ELP1: variants seen among roughly 807,000 people sequenced by gnomAD.
The protein encoded by ELP1 is elongator complex protein 1.
A neutral mutation model predicts 183.2 loss-of-function variants in ELP1; 131 were observed. The observed-to-expected ratio is 0.72, with a 90% CI of 0.62 to 0.83. The LOEUF (loss-of-function observed/expected upper bound fraction) is 0.83. Among genes scored for constraint, ELP1 ranks in the 40% least tolerant of loss-of-function variants. ELP1 has a pLI of 0.00. For synonymous variants in ELP1, 555 were observed against 569.0 expected (o/e 0.98, Z 0.35); for missense variants, 1,550 against 1,594.9 (o/e 0.97, Z 0.48).
intron 36 of ELP1, among the ~76,000 whole-genome samples, chr9:108,869,975 CT>C (rs556132203): frequency 6.7e-5 from 10 of 149,642 alleles, no homozygotes; most frequent in Non-Finnish European, 7.4e-5. Flanking sequence ...CTGCATATAC[CT>C]TTTTTTTTTC....
At chr9:108,889,742 C>A (rs10118853) in intron 28 of ELP1, 71,741 of 356,194 alleles carry the variant, frequency 0.2, 7,881 homozygotes, top group African/African-American at 0.32. Flanking sequence ...ATGTTTGAGT[C>A]ATGCAGTGTC....
intron 10 of ELP1, among the ~76,000 whole-genome samples, chr9:108,914,578 G>A (rs918562089): frequency 8.5e-5 from 13 of 152,114 alleles, no homozygotes; most frequent in African/African-American, 2.4e-4. Context: ...GAGAATAAAC[G>A]AGTATTATAC....
chr9:108,881,139 T>A (rs1827914153), intron 31 of ELP1, among the ~76,000 whole-genome samples: 1 of 152,232 alleles, frequency 6.6e-6, no homozygotes, highest in South Asian at 2.1e-4. Flanking sequence ...AAAAATACTT[T>A]GAAACGTTGA....
At chr9:108,916,484 TAAAAA>T (rs36030896) in intron 9 of ELP1, among the ~76,000 whole-genome samples, 187 bp from the exon 10 acceptor site, 1 of 151,822 alleles carries the variant, frequency 6.6e-6, no homozygotes, top group Non-Finnish European at 1.5e-5. Flanking sequence ...GTAGAGGACT[TAAAAA>T]AAAGAAATAC....
At position 108,874,434 on chromosome 9, in the gene ELP1, T is replaced by A. The variant is rs55956233; in HGVS notation, c.3931+461A>T. Among the ~76,000 whole-genome samples, 996 of 152,352 alleles carry A rather than the reference T, an allele frequency of 6.5e-3. 9 individuals are homozygous for A. The highest frequency in any genetic ancestry group is 0.011 in the Non-Finnish European group (769 of 68,026). On this transcript the variant is annotated intron_variant, in intron 36 of 36. Coordinates refer to ENST00000374647, the MANE Select transcript of ELP1 (RefSeq NM_003640.5). Reference sequence around the variant, plus strand: ...ATATGTATAAAATGCTAATATTCTTTGGATTTGCCTTCAAATTATATTGTC... The same window carrying A: ...ATATGTATAAAATGCTAATATTCTTAGGATTTGCCTTCAAATTATATTGTC...
At chr9:108,888,424 C>T (rs907544511) in intron 29 of ELP1, among the ~76,000 whole-genome samples, 2 of 152,188 alleles carry the variant, frequency 1.3e-5, no homozygotes, top group Non-Finnish European at 2.9e-5. Flanking sequence ...CTGTACAACA[C>T]ATAATTTTAT....
chr9:108,878,998 C>T (rs911548113), intron 33 of ELP1, among the ~76,000 whole-genome samples: 1 of 152,148 alleles, frequency 6.6e-6, no homozygotes, highest in Non-Finnish European at 1.5e-5. Flanking sequence ...ATCTACTGCA[C>T]CTACCATATG....
intron 25 of ELP1, 85 bp downstream of exon 25, chr9:108,896,411 A>T: frequency 7.9e-7 from 1 of 1,262,174 alleles, no homozygotes; most frequent in Non-Finnish European, 1.2e-6. Flanking sequence ...ATAGCAGAAA[A>T]GCTACTGCAC....
At chr9:108,889,785 A>C (rs1828253791) in intron 28 of ELP1, 1 of 273,724 alleles carries the variant, frequency 3.7e-6, no homozygotes. Flanking sequence ...AGCCCAATTG[A>C]GATAAACCAC....
intron 10 of ELP1, 27 bp downstream of exon 10, chr9:108,916,177 A>G: frequency 1.9e-6 from 3 of 1,549,390 alleles, no homozygotes; most frequent in Non-Finnish European, 2.7e-6. Context: ...TATGGGGCAG[A>G]AGGCTGGGGT....
chr9:108,898,497 C>T lies in ELP1; in HGVS notation c.2363+5G>A. On this transcript the variant is annotated splice_donor_5th_base_variant and intron_variant, in intron 22 of 36. Transcript: ENST00000374647. The stretch of plus-strand genomic sequence containing the variant: ...AGATACACATGAATTATTCAAAATA[C>T]TTACTTCAATTCTGTAAAAAACAAG... The T allele has an allele frequency of 6.8e-7, 1 of 1,464,896 alleles. No homozygotes were observed. The allele number at this position is 1,464,896 out of a possible 1,614,324, so 90.7% of individuals were successfully genotyped here. A position where few individuals can be genotyped will look rare whatever the true frequency, so the allele number is the denominator to read the frequency against.
rs555355380 is a variant in ELP1 at position 108,868,771 on chromosome 9, T to A, written c.*344A>T. 4 of 562,156 alleles carry A rather than the reference T, an allele frequency of 7.1e-6. No homozygotes were observed. The African/African-American group carries it at 7.5e-5, about 11-fold the overall frequency. 34.8% of individuals were successfully genotyped at this position (562,156 alleles called of 1,614,324 possible). A position where few individuals can be genotyped will look rare whatever the true frequency, so the allele number is the denominator to read the frequency against. On this transcript the variant is annotated 3_prime_UTR_variant, in exon 37 of 37. Coordinates refer to ENST00000374647, the MANE Select transcript of ELP1 (RefSeq NM_003640.5). ...AACAAAATAAGACAATTTAGAAACA[T>A]TGTTTTACTTGTCTTCACACTTTGG...
chr9:108,872,216 G>A (rs889842711), intron 36 of ELP1, among the ~76,000 whole-genome samples: 9 of 152,018 alleles, frequency 5.9e-5, no homozygotes, highest in African/African-American at 2.2e-4. Flanking sequence ...ATGTGGAGAT[G>A]GTTAGCGGCA....
At chr9:108,895,205 G>A (rs1344639168) in intron 25 of ELP1, among the ~76,000 whole-genome samples, 1 of 152,106 alleles carries the variant, frequency 6.6e-6, no homozygotes, top group Non-Finnish European at 1.5e-5. Context: ...CTCCAGCCCG[G>A]GTGATAGAGC....
chr9:108,891,092 C>A, intron 28 of ELP1, 111 bp downstream of exon 28: 1 of 1,040,716 alleles, frequency 9.6e-7, no homozygotes, highest in Non-Finnish European at 1.5e-6. Context: ...TCAGTGAGAA[C>A]AAGACTGTCT....
intron 35 of ELP1, among the ~76,000 whole-genome samples, chr9:108,876,500 A>C (rs1381299500): frequency 6.6e-6 from 1 of 152,180 alleles, no homozygotes; most frequent in Non-Finnish European, 1.5e-5. Flanking sequence ...CTAAATGAGG[A>C]AATCAAGACA....
intron 11 of ELP1, among the ~76,000 whole-genome samples, chr9:108,911,643 T>A (rs2132015058): frequency 6.6e-6 from 1 of 152,328 alleles, no homozygotes; most frequent in South Asian, 2.1e-4. Flanking sequence ...GAATATGAAT[T>A]AATATACCAC....
In ELP1 at chr9:108,932,418, C is replaced by A. The variant is rs577250253; in HGVS notation, c.-55-1217G>T. 2.1e-3 allele frequency among the ~76,000 whole-genome samples: 321 copies of A among 152,194 alleles called. 3 individuals carry two copies. The highest frequency in any genetic ancestry group is 7.1e-3 in the African/African-American group (296 of 41,524). On this transcript the variant is annotated intron_variant, in intron 1 of 36. Transcript: ENST00000374647. ...GTGCAATGGCGCGATCTCGGCTCAC[C>A]GCAACATCTGCCTCCCGGGTTCAAG...
Position 108,879,455 on chromosome 9 carries a change from C to T in ELP1, c.3563G>A (p.Arg1188Lys), listed in dbSNP as rs1827830021. Reference protein sequence around the residue: ...MSGKYSHSNSRISARSSKNRR... With the variant: ...MSGKYSHSNSKISARSSKNRR... Reference sequence around the variant, plus strand: ...TCAATGTGATACGTACGCTGATATCCTGGAGTTACTATGGGAGTATTTGCC... The same window carrying T: ...TCAATGTGATACGTACGCTGATATCTTGGAGTTACTATGGGAGTATTTGCC... Residue 1188 changes from arginine to lysine, a missense_variant, in exon 33 of 37, where the codon AGG becomes AAG. Physicochemically the swap from Arg to Lys is conservative, Grantham distance 26. Coordinates refer to ENST00000374647, the MANE Select transcript of ELP1 (RefSeq NM_003640.5). 6.2e-7 allele frequency: 1 copy of T among 1,610,364 alleles called. No individual in the cohort carries two copies. The highest frequency in any genetic ancestry group is 1.3e-5 in the African/African-American group (1 of 74,838).
Sources: gnomAD v4.1 joint callset for allele counts (sites outside exome capture counted in the v4.1 genomes callset) on GRCh38, gnomAD v4.1.1 for gene constraint, MANE v1.5 for transcripts, NCBI Gene and HGNC (gene_info 2026-07-23, HGNC 2026-07-21) for gene names.